The following ANO9 variants were observed in gnomAD, a reference collection of about 807,000 sequenced individuals.
The protein encoded by ANO9 is anoctamin 9.
Under a neutral mutation model 100.5 loss-of-function variants are expected in ANO9, and 80 were observed. That is an observed-to-expected ratio of 0.80 (90% confidence interval 0.66 to 0.96). The LOEUF (loss-of-function observed/expected upper bound fraction) is 0.96. Among genes scored for constraint, ANO9 ranks in the 40% least tolerant of loss-of-function variants. The pLI, the probability that ANO9 is intolerant of heterozygous loss-of-function variation, is 0.00. For synonymous variants in ANO9, 473 were observed against 435.6 expected, an observed-to-expected ratio of 1.09 and a Z score of -1.07; for missense variants, 1,064 against 1,072.7, an observed-to-expected ratio of 0.99 and a Z score of 0.11.
In ANO9 at chr11:421,169, C is replaced by T. The variant is rs779854042; in HGVS notation, c.1364G>A (p.Arg455His). Residue 455 changes from arginine (R) to histidine (H), a missense_variant, in exon 16 of 23, where the codon CGC becomes CAC. Arg to His is a conservative substitution (Grantham distance 29). Coordinates refer to ENST00000332826, the MANE Select transcript of ANO9 (RefSeq NM_001012302.3). The surrounding 1 kb of genome is among the most constrained non-coding windows in gnomAD (Gnocchi z 6.8). ...TTCCAGCTTCCACAAGCCCGCCAGG[C>T]GCGTGGACTTCCCGGGGTGGCCGTT... ...RINGHPGKSTRLAGLWKLEEC... is the reference protein window; with the variant it reads ...RINGHPGKSTHLAGLWKLEEC... The T allele has an allele frequency of 3.1e-5, 49 of 1,563,940 alleles. No individual in the cohort carries two copies. The highest frequency in any genetic ancestry group is 1.2e-4 in the South Asian group (10 of 84,686).
Position 428,144 on chromosome 11 carries a change from T to C in ANO9, c.1278A>G (p.Thr426=), listed in dbSNP as rs754842224. The C allele has an allele frequency of 3.7e-6, 6 of 1,610,736 alleles. No individual in the cohort carries two copies. The highest frequency in any genetic ancestry group is 1.7e-5 in the Admixed American group (1 of 59,792). Reference sequence around the variant, plus strand: ...ACGAGAAATGGGTGAAGAACTGCAGTGTGAAGAAGCGGATGGTGAACCTGC... The same window carrying C: ...ACGAGAAATGGGTGAAGAACTGCAGCGTGAAGAAGCGGATGGTGAACCTGC... ...RESRFTIRFF[T]LQFFTHFSSL... The change falls in exon 15 of 23, where the codon ACA becomes ACG. Residue 426 remains threonine, a synonymous_variant. Transcript: ENST00000332826.
chr11:418,234 C>A lies in ANO9; in HGVS notation c.*137G>T. The A allele has an allele frequency of 1.1e-6, 1 of 874,602 alleles. No individual in the cohort carries two copies. The highest frequency in any genetic ancestry group is 1.8e-5 in the South Asian group (1 of 55,998). 54.2% of individuals were successfully genotyped at this position (874,602 alleles called of 1,614,324 possible). A position where few individuals can be genotyped will look rare whatever the true frequency, so the allele number is the denominator to read the frequency against. ...TAGGGTGGCAGCTCACAGCCCTGAA[C>A]ATACAGGGGATTCCTGCGGCCCCAC... is the stretch of plus-strand genomic sequence containing the variant. On this transcript the variant is annotated 3_prime_UTR_variant, in exon 23 of 23. Transcript: ENST00000332826.
At chr11:433,184 T>C in intron 4 of ANO9, 130 bp downstream of exon 4, 1 of 1,297,324 alleles carries the variant, frequency 7.7e-7, no homozygotes, top group Non-Finnish European at 1.0e-6. Context: ...CTGTGGCCCC[T>C]GCCCTGAGAC....
chr11:430,434 C>A, intron 7 of ANO9, 31 bp from the exon 8 acceptor site: 1 of 1,208,556 alleles, frequency 8.3e-7, no homozygotes, highest in Non-Finnish European at 1.1e-6. Flanking sequence ...GGCCAGCTGT[C>A]AGGGGGCGGT....
rs111575465 is a variant in ANO9, at chr11:428,900, A to G, written c.916-74T>C. 6.7e-3 allele frequency: 9,231 copies of G among 1,375,996 alleles called. 200 individuals are homozygous for G. The African/African-American group carries it at 0.068, about 10-fold the overall frequency. The allele number at this position is 1,375,996 out of a possible 1,614,324, so 85.2% of individuals were successfully genotyped here. ...TGTGGGGAGACAGACACAGAGACAC[A>G]CCTCACGGGTGGACAGACACGGGAC... On this transcript the variant is annotated intron_variant, in intron 11 of 22. Coordinates refer to ENST00000332826, the MANE Select transcript of ANO9 (RefSeq NM_001012302.3).
intron 1 of ANO9, among the ~76,000 whole-genome samples, chr11:440,052 C>A (rs1845736985): frequency 6.6e-6 from 1 of 152,054 alleles, no homozygotes; most frequent in Non-Finnish European, 1.5e-5. Flanking sequence ...GGCAGCATTC[C>A]CGGGAGAAAG....
chr11:433,431 A>G lies in ANO9; in HGVS notation c.233T>C (p.Phe78Ser), dbSNP rs771307243. The change falls in exon 4 of 23, where the codon TTT becomes TCT. Residue 78 changes from phenylalanine to serine, a missense_variant. Coordinates refer to ENST00000332826, the MANE Select transcript of ANO9 (RefSeq NM_001012302.3). Reference protein sequence around the residue: ...KVIRDQKQVFFGIRADNSVFG... With the variant: ...KVIRDQKQVFSGIRADNSVFG... Reference sequence around the variant, plus strand: ...GACACTGTTGTCAGCACGGATCCCAAAGAAGACCTGTTTCTGGTCCCGGAT... The same window carrying G: ...GACACTGTTGTCAGCACGGATCCCAGAGAAGACCTGTTTCTGGTCCCGGAT... 3.7e-6 allele frequency: 6 copies of G among 1,613,214 alleles called. No individual in the cohort carries two copies. The highest frequency in any genetic ancestry group is 3.3e-5 in the South Asian group (3 of 91,064).
intron 15 of ANO9, among the ~76,000 whole-genome samples, chr11:423,885 TCACACACACACA>T (rs57182615): frequency 3.1e-4 from 44 of 143,400 alleles, no homozygotes; most frequent in East Asian, 4.1e-4. Context: ...AGTTGAATAC[TCACACACACACA>T]CACACACACA....
intron 19 of ANO9, chr11:420,032 A>T: frequency 7.5e-7 from 1 of 1,337,004 alleles, no homozygotes; most frequent in Non-Finnish European, 9.6e-7. Flanking sequence ...CCAGGGTAAG[A>T]CCTTGTAACC....
rs568774469 is a variant in ANO9 at position 429,978 on chromosome 11, A to C, written c.771+105T>G. ...GCCTCCCCGTCAGCCCTGTGGGGAAAGCTGAGCAGCTCTGCAGGGCTCCAG... is the reference window on the plus strand; with the variant it reads ...GCCTCCCCGTCAGCCCTGTGGGGAACGCTGAGCAGCTCTGCAGGGCTCCAG... On this transcript the variant is annotated intron_variant, in intron 9 of 22. Transcript: ENST00000332826. 58 of 1,408,684 alleles carry C rather than the reference A, an allele frequency of 4.1e-5. No individual in the cohort carries two copies. The African/African-American group carries it at 7.7e-4, about 19-fold the overall frequency. The allele number at this position is 1,408,684 out of a possible 1,614,324, so 87.3% of individuals were successfully genotyped here.
chr11:429,649 G>A lies in ANO9; in HGVS notation c.836C>T (p.Thr279Met), dbSNP rs772534088. Residue 279 changes from threonine (T) to methionine (M), a missense_variant, in exon 11 of 23, where the codon ACG (threonine) becomes ATG (methionine). Transcript: ENST00000332826. ...CCGCTTCCAGATCTCCAGGAACACC[G>A]TGGCTGCGGCGGGGGCAAGGAGGGG... Reference protein sequence around the residue: ...VFAIFMALWATVFLEIWKRQR... With the variant: ...VFAIFMALWAMVFLEIWKRQR... The A allele has an allele frequency of 1.2e-5, 19 of 1,612,494 alleles. No individual in the cohort carries two copies. Among genetic ancestry groups the A allele is most frequent in the East Asian group, 2.2e-5 (1 of 44,888 alleles).
chr11:437,479 T>C (rs1208557092), intron 1 of ANO9, among the ~76,000 whole-genome samples: 1 of 152,092 alleles, frequency 6.6e-6, no homozygotes, highest in Non-Finnish European at 1.5e-5. Flanking sequence ...TAGTTCTTCC[T>C]GCCTCAATCA....
At chr11:419,784 C>T (rs2133676237) in intron 19 of ANO9, 55 bp from the exon 20 acceptor site, 3 of 1,590,522 alleles carry the variant, frequency 1.9e-6, no homozygotes, top group Non-Finnish European at 2.6e-6. Context: ...GCTGGTTCTG[C>T]CCTCACCCCC....
At chr11:423,588 G>A (rs1848320064) in intron 15 of ANO9, among the ~76,000 whole-genome samples, 1 of 151,834 alleles carries the variant, frequency 6.6e-6, no homozygotes, top group South Asian at 2.1e-4. Context: ...GCTCACTATA[G>A]CCTCCACCTC....
chr11:420,111 T>G, intron 19 of ANO9: 1 of 1,318,756 alleles, frequency 7.6e-7, no homozygotes, highest in Non-Finnish European at 9.7e-7. Context: ...CCAGCTCCCG[T>G]CGCTCCCCTG....
intron 1 of ANO9, among the ~76,000 whole-genome samples, chr11:434,385 C>T (rs1849289084): frequency 6.6e-6 from 1 of 152,278 alleles, no homozygotes; most frequent in East Asian, 1.9e-4. Context: ...AAGAGGAGCA[C>T]GCTGAGCAGC....
chr11:421,157 A>C lies in ANO9; in HGVS notation c.1376T>G (p.Leu459Trp), dbSNP rs757271878. 1.3e-6 allele frequency: 2 copies of C among 1,567,450 alleles called. No individual in the cohort carries two copies. Among genetic ancestry groups the C allele is most frequent in the Non-Finnish European group, 1.7e-6 (2 of 1,151,944 alleles). ...HPGKSTRLAG[L>W]WKLEECHASG... ...GTGACTGACCTCTTCCAGCTTCCAC[A>C]AGCCCGCCAGGCGCGTGGACTTCCC... is the stretch of plus-strand genomic sequence containing the variant. Residue 459 changes from leucine (L) to tryptophan (W), a missense_variant, in exon 16 of 23, where the codon TTG becomes TGG. Physicochemically the swap from Leu to Trp is moderately conservative, Grantham distance 61. Transcript: ENST00000332826. The surrounding 1 kb of genome is among the most constrained non-coding windows in gnomAD (Gnocchi z 6.8).
chr11:428,247 C>T (rs180906206), intron 14 of ANO9, 48 bp from the exon 15 acceptor site: 11 of 1,606,884 alleles, frequency 6.8e-6, no homozygotes. Context: ...TAGGAGAGGC[C>T]CTGGGGCAGC....
rs1057481875 is a variant in ANO9, at chr11:433,820, T to C, written c.199A>G (p.Ile67Val). The C allele has an allele frequency of 4.5e-6, 7 of 1,560,566 alleles. No individual in the cohort carries two copies. Among genetic ancestry groups the C allele is most frequent in the Non-Finnish European group, 6.1e-6 (7 of 1,152,814 alleles). ...CTCGCTGGGCACCCGCCCACCTTAA[T>C]GTGGAAGCCCTTTCTCCTGAGCTCC... ...LEELRRKGFH[I>V]KVIRDQKQVF... Residue 67 changes from isoleucine to valine, a missense_variant, in exon 3 of 23, where the codon ATT (isoleucine) becomes GTT (valine). Transcript: ENST00000332826.
Sources: allele counts gnomAD v4.1 joint callset (sites outside exome capture counted in the v4.1 genomes callset), GRCh38; gene constraint gnomAD v4.1.1; non-coding constraint Gnocchi (gnomAD v3.1); transcripts MANE v1.5; gene names NCBI Gene and HGNC (gene_info 2026-07-23, HGNC 2026-07-21).